C3orf20: variants seen among roughly 807,000 people sequenced by gnomAD.
The protein encoded by C3orf20 is family with sequence similarity 149 member C.
C3orf20 carries 76 observed loss-of-function variants against 88.3 expected under a neutral mutation model. The ratio of observed to expected loss-of-function variants is 0.86; its 90% CI spans 0.72 to 1.04. C3orf20 has a LOEUF of 1.04. Ranked by LOEUF, C3orf20 falls within the 50% of genes least tolerant of loss-of-function variation. The pLI is 0.00. For synonymous variants in C3orf20, 436 were observed against 437.4 expected, an observed-to-expected ratio of 1.00 and a Z score of 0.04; for missense variants, 1,056 against 1,123.3, an observed-to-expected ratio of 0.94 and a Z score of 0.86.
At chr3:14,710,726 A>T (rs1446304442) in intron 7 of C3orf20, among the ~76,000 whole-genome samples, 1 of 152,112 alleles carries the variant, frequency 6.6e-6, no homozygotes, top group Non-Finnish European at 1.5e-5. Flanking sequence ...ATCTTTTAAA[A>T]TTTATTAAGA....
intron 12 of C3orf20, among the ~76,000 whole-genome samples, chr3:14,742,136 A>G (rs115184687): frequency 1.6e-3 from 246 of 152,350 alleles, no homozygotes; most frequent in African/African-American, 5.8e-3. Flanking sequence ...TGCAAAAGTA[A>G]TTGCCATTAC....
At chr3:14,681,569 C>T (rs971950239) in intron 1 of C3orf20, among the ~76,000 whole-genome samples, 19 of 152,178 alleles carry the variant, frequency 1.2e-4, no homozygotes, top group African/African-American at 4.3e-4. Flanking sequence ...TCTAAGTCTC[C>T]CTGGGGTTGA....
Position 14,757,667 on chromosome 3 carries a change from G to T in C3orf20, c.2237G>T (p.Cys746Phe). The T allele has an allele frequency of 6.2e-7, 1 of 1,609,870 alleles. No individual in the cohort carries two copies. Among genetic ancestry groups the T allele is most frequent in the Non-Finnish European group, 8.5e-7 (1 of 1,177,148 alleles). The change falls in exon 13 of 17, where the codon TGC (cysteine) becomes TTC (phenylalanine). Residue 746 changes from cysteine (C) to phenylalanine (F), a missense_variant. Cys to Phe is a radical substitution (Grantham distance 205). Transcript: ENST00000253697. ...CAGCAGCGGGGCCGTGGCTCCCCCT[G>T]CATCCAGGTTGGTCTGGGCCCAGTG... ...NHQQRGRGSP[C>F]IQCRYDSYRL... is the part of the protein sequence containing the mutation.
intron 1 of C3orf20, among the ~76,000 whole-genome samples, chr3:14,680,123 C>T (rs1387117635): frequency 6.6e-6 from 1 of 152,196 alleles, no homozygotes; most frequent in East Asian, 1.9e-4. Flanking sequence ...ACTTGAGTTA[C>T]CCCATGACCC....
chr3:14,707,636 A>T (rs1255772846), intron 7 of C3orf20, among the ~76,000 whole-genome samples: 1 of 151,962 alleles, frequency 6.6e-6, no homozygotes, highest in Non-Finnish European at 1.5e-5. Context: ...ATTTGCAAGT[A>T]TTTTTTCCTA....
At chr3:14,718,261 G>A (rs993263156) in intron 9 of C3orf20, among the ~76,000 whole-genome samples, 1 of 151,960 alleles carries the variant, frequency 6.6e-6, no homozygotes. Context: ...TTTGAGATTG[G>A]ATGATTTCTC....
At chr3:14,739,913 T>G (rs1413060551) in intron 12 of C3orf20, among the ~76,000 whole-genome samples, 1 of 152,238 alleles carries the variant, frequency 6.6e-6, no homozygotes, top group Non-Finnish European at 1.5e-5. Context: ...TAAAGAGAGC[T>G]TGGGCCTTGC....
chr3:14,714,263 G>T (rs1201644989), intron 8 of C3orf20, 104 bp downstream of exon 8: 2 of 1,308,804 alleles, frequency 1.5e-6, no homozygotes, highest in Non-Finnish European at 2.1e-6. Flanking sequence ...AAGAAGCCAG[G>T]CGGTGTCCAG....
intron 1 of C3orf20, among the ~76,000 whole-genome samples, chr3:14,677,838 G>A (rs1037029559): frequency 6.6e-6 from 1 of 152,128 alleles, no homozygotes; most frequent in African/African-American, 2.4e-5. Context: ...AAATAAGTGT[G>A]CTGTGGGTGC....
intron 7 of C3orf20, among the ~76,000 whole-genome samples, chr3:14,707,445 TTGTGTG>T (rs36047273): frequency 0.24 from 32,047 of 136,244 alleles, 3,825 homozygotes; most frequent in Middle Eastern, 0.29. Context: ...GCATCTTTTC[TTGTGTG>T]TGTGTGTGTG....
chr3:14,698,890 C>T (rs560058055), intron 5 of C3orf20, among the ~76,000 whole-genome samples: 2 of 152,240 alleles, frequency 1.3e-5, no homozygotes, highest in Admixed American at 6.5e-5. Flanking sequence ...CAGGCAGGTC[C>T]GGAAATGTTG....
intron 7 of C3orf20, among the ~76,000 whole-genome samples, chr3:14,706,682 G>C (rs1004084179): frequency 6.6e-5 from 10 of 151,800 alleles, no homozygotes; most frequent in African/African-American, 2.4e-4. Context: ...CAGGGCTCTA[G>C]GCTCAGTTCT....
rs1197301647 is a variant in C3orf20 at position 14,684,361 on chromosome 3, A to C, written c.604A>C (p.Ser202Arg). Residue 202 changes from serine to arginine, a missense_variant, in exon 4 of 17, where the codon AGC (serine) becomes CGC (arginine). By Grantham distance (110) the Ser-to-Arg change is moderately radical. Transcript: ENST00000253697. ...LISTAGRSGY[S>R]SGQLWKESLA... ...CAGCACAGCCGGGAGAAGTGGCTAC[A>C]GCAGCGGACAGTTGTGGAAAGGTGG... 1.9e-6 allele frequency: 3 copies of C among 1,614,202 alleles called. No individual in the cohort carries two copies. Among genetic ancestry groups the C allele is most frequent in the Non-Finnish European group, 2.5e-6 (3 of 1,180,014 alleles).
chr3:14,750,025 A>G (rs1302551890), intron 12 of C3orf20, among the ~76,000 whole-genome samples: 2 of 151,452 alleles, frequency 1.3e-5, no homozygotes, highest in African/African-American at 4.8e-5. Context: ...TTACAAACTG[A>G]AAAATATGAC....
chr3:14,727,433 A>T (rs4443160), intron 11 of C3orf20, among the ~76,000 whole-genome samples: 39,315 of 151,786 alleles, frequency 0.26, 5,251 homozygotes, highest in South Asian at 0.37. Context: ...CTTTTTGTGG[A>T]TCTCAGAAGA....
chr3:14,703,318 C>T (rs1439258647), intron 6 of C3orf20, 56 bp downstream of exon 6: 10 of 1,608,614 alleles, frequency 6.2e-6, no homozygotes, highest in Non-Finnish European at 8.5e-6. Context: ...AAGCCTGGCC[C>T]CCAGCTGGGA....
At chr3:14,680,167 G>A (rs572317706) in intron 1 of C3orf20, among the ~76,000 whole-genome samples, 2 of 152,336 alleles carry the variant, frequency 1.3e-5, no homozygotes, top group East Asian at 3.9e-4. Flanking sequence ...ATATGTGAGA[G>A]AATGAAAACA....
At chr3:14,685,203 A>G (rs1189059626) in intron 4 of C3orf20, among the ~76,000 whole-genome samples, 1 of 152,206 alleles carries the variant, frequency 6.6e-6, no homozygotes, top group Non-Finnish European at 1.5e-5. Flanking sequence ...CTCCAATGAT[A>G]GTATTAAGGA....
chr3:14,697,615 A>G (rs961410155), intron 5 of C3orf20, among the ~76,000 whole-genome samples: 12 of 152,050 alleles, frequency 7.9e-5, no homozygotes, highest in African/African-American at 2.9e-4. Flanking sequence ...GGTTTGATAC[A>G]TAGGTGTACA....
Sources: gnomAD v4.1 joint callset for allele counts (sites outside exome capture counted in the v4.1 genomes callset) on GRCh38, gnomAD v4.1.1 for gene constraint, MANE v1.5 for transcripts, NCBI Gene and HGNC (gene_info 2026-07-23, HGNC 2026-07-21) for gene names.